FAM219B: variants seen among roughly 807,000 people sequenced by gnomAD.
FAM219B encodes family with sequence similarity 219 member B, also known as protein FAM219B.
A neutral mutation model predicts 19.9 loss-of-function variants in FAM219B; 18 were observed. The observed-to-expected ratio is 0.91, with a 90% CI of 0.63 to 1.34. The LOEUF (loss-of-function observed/expected upper bound fraction) is 1.34. FAM219B is among the 40% of genes most tolerant of loss of function. The pLI is 0.00. For synonymous variants in FAM219B, 123 were observed against 117.5 expected (o/e 1.05, Z -0.30); for missense variants, 283 against 270.5 (o/e 1.05, Z -0.32).
chr15:74,904,728 A>T lies in FAM219B; in HGVS notation c.381-16T>A, dbSNP rs2065114573. ...CTCCCCATCACTAGGAGAAGAGGAA[A>T]ACAGTCAGTTCCGGGAGGTACCTGT... is the stretch of plus-strand genomic sequence containing the variant. On this transcript the variant is annotated splice_polypyrimidine_tract_variant and intron_variant, in intron 3 of 4. Transcript: ENST00000357635. 1 of 1,614,084 alleles carries T rather than the reference A, an allele frequency of 6.2e-7. No homozygotes were observed.
At chr15:74,906,405 C>G in intron 1 of FAM219B, 40 bp from the exon 2 acceptor site, 1 of 1,576,658 alleles carries the variant, frequency 6.3e-7, no homozygotes, top group Non-Finnish European at 8.6e-7. Flanking sequence ...GTCTTCCCCA[C>G]TCCGCCGCGT....
intron 1 of FAM219B, 38 bp from the exon 2 acceptor site, chr15:74,906,403 C>G (rs765826367): frequency 4.5e-5 from 71 of 1,577,430 alleles, no homozygotes; most frequent in Non-Finnish European, 5.7e-5. Flanking sequence ...GGGTCTTCCC[C>G]ACTCCGCCGC....
At chr15:74,904,627 C>A (rs777095869) in intron 4 of FAM219B, 37 bp downstream of exon 4, 1 of 1,613,050 alleles carries the variant, frequency 6.2e-7, no homozygotes, top group African/African-American at 1.3e-5. Context: ...ATGCTGCCTG[C>A]AGCCTGGCCC....
Position 74,902,516 on chromosome 15 carries a change from A to G in FAM219B, c.*103T>C. 2 of 1,252,460 alleles carry G rather than the reference A, an allele frequency of 1.6e-6. No individual in the cohort carries two copies. The highest frequency in any genetic ancestry group is 2.1e-6 in the Non-Finnish European group (2 of 932,850). The allele number at this position is 1,252,460 out of a possible 1,614,324, so 77.6% of individuals were successfully genotyped here. A position where few individuals can be genotyped will look rare whatever the true frequency, so the allele number is the denominator to read the frequency against. On this transcript the variant is annotated 3_prime_UTR_variant, in exon 5 of 5. Coordinates refer to ENST00000357635, the MANE Select transcript of FAM219B (RefSeq NM_020447.5). The stretch of plus-strand genomic sequence containing the variant: ...AAGGGCTACCTGCAGGTCACTTTCT[A>G]GGGGTCAGTGACTTCAGTGCTCACT...
rs1283133277 is a variant in FAM219B, at chr15:74,902,740, T to C, written c.476A>G (p.His159Arg). Reference protein sequence around the residue: ...VSRQLLQDGYHLDEIPDDEDL... With the variant: ...VSRQLLQDGYRLDEIPDDEDL... The stretch of plus-strand genomic sequence containing the variant: ...CTCGTCATCTGGAATCTCATCCAGG[T>C]GATACCCATCCTGAAGCAGCTGCCG... The change falls in exon 5 of 5, where the codon CAC (histidine) becomes CGC (arginine). Residue 159 changes from histidine (H) to arginine (R), a missense_variant. Transcript: ENST00000357635. 1 of 1,612,240 alleles carries C rather than the reference T, an allele frequency of 6.2e-7. No homozygotes were observed. Among genetic ancestry groups the C allele is most frequent in the Non-Finnish European group, 8.5e-7 (1 of 1,179,134 alleles).
chr15:74,899,632 C>T (rs1434830217), downstream of FAM219B: 1 of 152,146 alleles, frequency 6.6e-6, no homozygotes, highest in Non-Finnish European at 1.5e-5. Flanking sequence ...ATATTCTTAA[C>T]TTTTATTTTT....
chr15:74,905,210 G>A lies in FAM219B; in HGVS notation c.324C>T (p.Gly108=). The stretch of plus-strand genomic sequence containing the variant: ...CTGGACTCTGGCTAAGAGCAGTATA[G>A]CCCTTGTTAAACTTCACTGACCTGA... The part of the protein sequence containing the change: ...SGKRSVKFNK[G]YTALSQSPDE... Residue 108 remains glycine (G), a synonymous_variant, in exon 3 of 5, where the codon GGC becomes GGT. Coordinates refer to ENST00000357635, the MANE Select transcript of FAM219B (RefSeq NM_020447.5). 1.9e-6 allele frequency: 3 copies of A among 1,614,020 alleles called. No homozygotes were observed. The highest frequency in any genetic ancestry group is 2.5e-6 in the Non-Finnish European group (3 of 1,179,934).
Position 74,905,352 on chromosome 15 carries a change from C to G in FAM219B, c.303-121G>C. On this transcript the variant is annotated intron_variant, in intron 2 of 4. Transcript: ENST00000357635. Reference sequence around the variant, plus strand: ...GACTGCACTACTGACTTGCCTTCTCCCTGGTCACAGCCACCACTGCCTGCA... The same window carrying G: ...GACTGCACTACTGACTTGCCTTCTCGCTGGTCACAGCCACCACTGCCTGCA... The G allele has an allele frequency of 1.1e-5, 10 of 910,522 alleles. No individual in the cohort carries two copies. The South Asian group carries it at 1.5e-4, about 13-fold the overall frequency. 56.4% of individuals were successfully genotyped at this position (910,522 alleles called of 1,614,324 possible). A position where few individuals can be genotyped will look rare whatever the true frequency, so the allele number is the denominator to read the frequency against.
chr15:74,899,776 C>T (rs892958531), downstream of FAM219B: 6 of 152,254 alleles, frequency 3.9e-5, no homozygotes, highest in African/African-American at 9.6e-5. Flanking sequence ...GCGCCTGCCA[C>T]CACACCCAGC....
rs930217348 is a variant in FAM219B, at chr15:74,902,132, A to T, written c.*487T>A. 3 of 398,628 alleles carry T rather than the reference A, an allele frequency of 7.5e-6. No homozygotes were observed. The highest frequency in any genetic ancestry group is 1.3e-5 in the Non-Finnish European group (3 of 226,118). The allele number at this position is 398,628 out of a possible 1,614,324, so 24.7% of individuals were successfully genotyped here. A position where few individuals can be genotyped will look rare whatever the true frequency, so the allele number is the denominator to read the frequency against. ...CAAGCCTGCAAACCATCTTAGAGCT[A>T]GGAAGAATAGAGCAAACGGAATTTC... On this transcript the variant is annotated 3_prime_UTR_variant, in exon 5 of 5. Transcript: ENST00000357635.
At chr15:74,898,150 A>G (rs1386574199), downstream of FAM219B, 6 of 349,426 alleles carry the variant, frequency 1.7e-5, no homozygotes. Context: ...CAGAGGAGGA[A>G]AGGGAAAGGG....
Position 74,900,744 on chromosome 15 carries a change from C to A in FAM219B, c.*1875G>T, listed in dbSNP as rs971905117. 1 of 152,234 alleles carries A rather than the reference C, an allele frequency of 6.6e-6. No homozygotes were observed. Among genetic ancestry groups the A allele is most frequent in the African/African-American group, 2.4e-5 (1 of 41,452 alleles). 9.4% of individuals were successfully genotyped at this position (152,234 alleles called of 1,614,324 possible). ...AGAGCTGCAGAGTCCCATTCCAGAA[C>A]AGAGTAACCATCTGCCTCTCTTCCC... On this transcript the variant is annotated 3_prime_UTR_variant, in exon 5 of 5. Transcript: ENST00000357635.
intron 4 of FAM219B, among the ~76,000 whole-genome samples, chr15:74,903,973 G>C (rs1030087311): frequency 6.6e-6 from 1 of 152,168 alleles, no homozygotes; most frequent in African/African-American, 2.4e-5. Flanking sequence ...GAAGTTGTTT[G>C]GTCTGGAAGA....
In FAM219B at chr15:74,905,202, G is replaced by A. The variant is rs890579168; in HGVS notation, c.332C>T (p.Ala111Val). ...RSVKFNKGYT[A>V]LSQSPDENLV... ...GTTTTCATCTGGACTCTGGCTAAGA[G>A]CAGTATAGCCCTTGTTAAACTTCAC... The change falls in exon 3 of 5, where the codon GCT becomes GTT. Residue 111 changes from alanine (A) to valine (V), a missense_variant. Ala to Val is a moderately conservative substitution (Grantham distance 64). Transcript: ENST00000357635. The A allele has an allele frequency of 1.2e-5, 20 of 1,613,958 alleles. No homozygotes were observed. In the Admixed American group the frequency reaches 3.2e-4, roughly 26 times the overall value.
chr15:74,902,817 C>T (rs754540227), intron 4 of FAM219B, 31 bp from the exon 5 acceptor site: 5 of 1,581,546 alleles, frequency 3.2e-6, no homozygotes, highest in Non-Finnish European at 4.3e-6. Flanking sequence ...AACTATAGGC[C>T]AAGATGCAAA....
At position 74,900,336 on chromosome 15, in the gene FAM219B, AG is replaced by A. The variant is rs796314987; in HGVS notation, c.*2282del. The A allele has an allele frequency of 1.3e-5, 2 of 152,444 alleles. No individual in the cohort carries two copies. The highest frequency in any genetic ancestry group is 2.4e-5 in the African/African-American group (1 of 41,572). The allele number at this position is 152,444 out of a possible 1,614,324, so 9.4% of individuals were successfully genotyped here. On this transcript the variant is annotated 3_prime_UTR_variant, in exon 5 of 5. Coordinates refer to ENST00000357635, the MANE Select transcript of FAM219B (RefSeq NM_020447.5). ...CAGCCAGCTCAGAAACCTCTTCTTC[AG>A]GGACAGTTGCAGCTGAATATGCCAG...
Position 74,905,160 on chromosome 15 carries a change from G to T in FAM219B, c.374C>A (p.Ser125Tyr), listed in dbSNP as rs997046876. 3.7e-6 allele frequency: 6 copies of T among 1,613,980 alleles called. No homozygotes were observed. The African/African-American group carries it at 8.0e-5, about 22-fold the overall frequency. The change falls in exon 3 of 5, where the codon TCT becomes TAT. Residue 125 changes from serine (S) to tyrosine (Y), a missense_variant. Ser to Tyr is a moderately radical substitution (Grantham distance 144). Coordinates refer to ENST00000357635, the MANE Select transcript of FAM219B (RefSeq NM_020447.5). ...SPDENLVSLDSDSDGELGSRY... is the reference protein window; with the variant it reads ...SPDENLVSLDYDSDGELGSRY... The stretch of plus-strand genomic sequence containing the variant: ...TTCCAAGGGGAGCACTCACCTGTCA[G>T]AGTCGAGGGACACCAGGTTTTCATC...
In FAM219B at chr15:74,906,801, G is replaced by A. The variant is rs2141258898; in HGVS notation, c.-1C>T. The A allele has an allele frequency of 1.6e-6, 2 of 1,281,882 alleles. No individual in the cohort carries two copies. The highest frequency in any genetic ancestry group is 9.8e-7 in the Non-Finnish European group (1 of 1,016,294). The allele number at this position is 1,281,882 out of a possible 1,614,324, so 79.4% of individuals were successfully genotyped here. A position where few individuals can be genotyped will look rare whatever the true frequency, so the allele number is the denominator to read the frequency against. On this transcript the variant is annotated 5_prime_UTR_variant, in exon 1 of 5. Transcript: ENST00000357635. ...GCCCGCTGGGCTCCGCGGTCGCCAT[G>A]GCCGGGCCCCGCCCTGCCGGATGGT...
In FAM219B at chr15:74,902,579, A is replaced by T. The variant is rs184053316; in HGVS notation, c.*40T>A. The T allele has an allele frequency of 2.6e-6, 4 of 1,554,930 alleles. No individual in the cohort carries two copies. The African/African-American group carries it at 5.4e-5, about 21-fold the overall frequency. ...CTATGAGTGGCCAACAGGGCTCTGTAGGCCTCATGGTGAGCAGGGCCCACC... is the reference window on the plus strand; with the variant it reads ...CTATGAGTGGCCAACAGGGCTCTGTTGGCCTCATGGTGAGCAGGGCCCACC... On this transcript the variant is annotated 3_prime_UTR_variant, in exon 5 of 5. Coordinates refer to ENST00000357635, the MANE Select transcript of FAM219B (RefSeq NM_020447.5).
Sources: gnomAD v4.1 joint callset for allele counts (sites outside exome capture counted in the v4.1 genomes callset) on GRCh38, gnomAD v4.1.1 for gene constraint, MANE v1.5 for transcripts, NCBI Gene and HGNC (gene_info 2026-07-23, HGNC 2026-07-21) for gene names.